EPCIP: variants seen among roughly 807,000 people sequenced by gnomAD.
EPCIP encodes exosomal polycystin 1 interacting protein.
At chr21:32,793,046 G>A in the EPCIP span, among the ~76,000 whole-genome samples, 2 of 151,804 alleles carry the variant, frequency 1.3e-5, no homozygotes, top group Non-Finnish European at 2.9e-5. Context: ...TGCAACCTCC[G>A]CCTCCCAGGT....
chr21:32,796,187 T>C, the EPCIP span, among the ~76,000 whole-genome samples: 1 of 152,286 alleles, frequency 6.6e-6, no homozygotes, highest in Admixed American at 6.5e-5. Flanking sequence ...AAATTGATTC[T>C]GCTTCCAATG....
At chr21:32,793,670 G>T in the EPCIP span, 1 of 1,149,344 alleles carries the variant, frequency 8.7e-7, no homozygotes, top group South Asian at 1.2e-5. Context: ...GTTGTGGGTA[G>T]GGATACCTAT....
chr21:32,804,712 GA>G, the EPCIP span, among the ~76,000 whole-genome samples: 7 of 152,202 alleles, frequency 4.6e-5, no homozygotes, highest in African/African-American at 1.7e-4. Flanking sequence ...CTCTCTGCAT[GA>G]TTTTTCCTGT....
the EPCIP span, among the ~76,000 whole-genome samples, chr21:32,804,275 T>TTTTATATATATATATATATATATATA: frequency 1.7e-4 from 24 of 140,960 alleles, no homozygotes; most frequent in African/African-American, 5.8e-4. Context: ...ATGCATGTGA[T>TTTTATATATATATATATATATATATA]TATATATATA....
chr21:32,804,108 G>A, the EPCIP span, among the ~76,000 whole-genome samples: 1 of 152,000 alleles, frequency 6.6e-6, no homozygotes, highest in East Asian at 1.9e-4. Context: ...TATGCAATTT[G>A]GGTTTTGAGA....
the EPCIP span, chr21:32,794,145 G>A: frequency 1.2e-6 from 2 of 1,614,130 alleles, no homozygotes; most frequent in East Asian, 4.5e-5. Context: ...AAGTTCAGCA[G>A]GTGGCCCAGC....
At chr21:32,809,339 T>TCTTTCTTC in the EPCIP span, among the ~76,000 whole-genome samples, 1 of 144,038 alleles carries the variant, frequency 6.9e-6, no homozygotes, top group Non-Finnish European at 1.5e-5. Context: ...TTTCTTTCTT[T>TCTTTCTTC]CTTTCCTCTT....
At chr21:32,802,652 T>C in the EPCIP span, among the ~76,000 whole-genome samples, 214 of 152,268 alleles carry the variant, frequency 1.4e-3, no homozygotes, top group African/African-American at 5.1e-3. Context: ...CTCAAGGGGA[T>C]GGAGAGAACC....
the EPCIP span, among the ~76,000 whole-genome samples, chr21:32,804,030 T>C: frequency 4.6e-5 from 7 of 152,274 alleles, no homozygotes; most frequent in Admixed American, 2.0e-4. Flanking sequence ...TTTTTGCTCA[T>C]CTAGAAAAAG....
At chr21:32,804,281 A>ATG in the EPCIP span, among the ~76,000 whole-genome samples, 2 of 148,298 alleles carry the variant, frequency 1.3e-5, no homozygotes, top group African/African-American at 4.9e-5. Flanking sequence ...GTGATTATAT[A>ATG]TATATATATA....
chr21:32,792,959 C>A, the EPCIP span, among the ~76,000 whole-genome samples: 2 of 150,848 alleles, frequency 1.3e-5, no homozygotes, highest in Non-Finnish European at 2.9e-5. Flanking sequence ...GTTGCCCAGG[C>A]TGGAGTGCAA....
At chr21:32,798,755 G>C in the EPCIP span, 2 of 152,268 alleles carry the variant, frequency 1.3e-5, no homozygotes, top group Admixed American at 6.5e-5. Context: ...CTTCAGCTCA[G>C]GAGTTCGAGA....
the EPCIP span, among the ~76,000 whole-genome samples, chr21:32,809,798 C>G: frequency 6.6e-6 from 1 of 151,984 alleles, no homozygotes; most frequent in Non-Finnish European, 1.5e-5. Flanking sequence ...CTTCAAATCT[C>G]TCCTCTTTCA....
At chr21:32,793,386 G>C in the EPCIP span, among the ~76,000 whole-genome samples, 33 of 152,158 alleles carry the variant, frequency 2.2e-4, no homozygotes, top group Non-Finnish European at 2.9e-5. Context: ...ATGTTTCTTG[G>C]GGGTCACCTT....
chr21:32,792,271 C>T, the EPCIP span, among the ~76,000 whole-genome samples: 3 of 152,148 alleles, frequency 2.0e-5, no homozygotes, highest in Admixed American at 2.0e-4. Flanking sequence ...AAGTATGTTG[C>T]TTTGGTTCCT....
chr21:32,805,945 G>C, the EPCIP span, among the ~76,000 whole-genome samples: 1 of 152,154 alleles, frequency 6.6e-6, no homozygotes, highest in South Asian at 2.1e-4. Context: ...TATGAGTTGA[G>C]GGGGAACCAT....
At chr21:32,802,253 T>A in the EPCIP span, among the ~76,000 whole-genome samples, 3 of 152,236 alleles carry the variant, frequency 2.0e-5, no homozygotes, top group African/African-American at 7.2e-5. Flanking sequence ...TTACATATCA[T>A]CTGTATTATC....
At chr21:32,807,482 G>C in the EPCIP span, among the ~76,000 whole-genome samples, 1 of 151,982 alleles carries the variant, frequency 6.6e-6, no homozygotes. Flanking sequence ...ACAGGCATGT[G>C]CCACCACACC....
the EPCIP span, chr21:32,794,416 T>G: frequency 6.2e-7 from 1 of 1,611,158 alleles, no homozygotes; most frequent in Non-Finnish European, 8.5e-7. Flanking sequence ...TGGAAGGTGG[T>G]GCCATGCTTG....
Sources: allele counts gnomAD v4.1 joint callset (sites outside exome capture counted in the v4.1 genomes callset), GRCh38; gene constraint gnomAD v4.1.1; transcripts MANE v1.5; gene names NCBI Gene and HGNC (gene_info 2026-07-23, HGNC 2026-07-21).